TRPM3: variants seen among roughly 807,000 people sequenced by gnomAD.
TRPM3 encodes long transient receptor potential channel 3.
A neutral mutation model predicts 181.2 loss-of-function variants in TRPM3; 77 were observed. The ratio of observed to expected loss-of-function variants is 0.42; its 90% CI spans 0.35 to 0.51. TRPM3 has a LOEUF of 0.51. Ranked by LOEUF, TRPM3 falls within the 20% of genes least tolerant of loss-of-function variation. The pLI is 0.01. For missense variants in TRPM3, 1,759 were observed against 2,196.7 expected, an observed-to-expected ratio of 0.80 and a Z score of 3.98; for synonymous variants, 745 against 796.4, an observed-to-expected ratio of 0.94 and a Z score of 1.09.
intron 1 of TRPM3, among the ~76,000 whole-genome samples, chr9:71,110,489 T>G (rs554184648): frequency 6.6e-6 from 1 of 152,214 alleles, no homozygotes; most frequent in Admixed American, 6.5e-5. Flanking sequence ...CGATGTAATA[T>G]GAATTGAGTA....
At chr9:71,132,065 T>TA (rs1587548954) in intron 1 of TRPM3, among the ~76,000 whole-genome samples, 1 of 152,256 alleles carries the variant, frequency 6.6e-6, no homozygotes, top group East Asian at 1.9e-4. Context: ...TCAGCCATTT[T>TA]AATCAGGTTC....
At chr9:70,798,889 A>G (rs1447269320) in intron 6 of TRPM3, among the ~76,000 whole-genome samples, 1 of 152,122 alleles carries the variant, frequency 6.6e-6, no homozygotes, top group Non-Finnish European at 1.5e-5. Flanking sequence ...CTAGAGAAGA[A>G]CATGCTGAGT....
rs376207908 is a variant in TRPM3, at chr9:70,583,393, C to T, written c.3223+7638G>A. On this transcript the variant is annotated intron_variant, in intron 22 of 25. Transcript: ENST00000677713. ...GGCCAGGTTACCTATGACTTATAGT[C>T]ATGATAGAGTAGAAAAAGCATGGTC... Among the ~76,000 whole-genome samples, 99 of 152,218 alleles carry T rather than the reference C, an allele frequency of 6.5e-4. 2 individuals are homozygous for T. The South Asian group carries it at 0.019, about 29-fold the overall frequency.
chr9:71,011,028 G>A (rs1034473403), intron 1 of TRPM3, among the ~76,000 whole-genome samples: 2 of 151,756 alleles, frequency 1.3e-5, no homozygotes, highest in Non-Finnish European at 2.9e-5. Context: ...TGAATCTGTA[G>A]GACATTATTT....
intron 1 of TRPM3, among the ~76,000 whole-genome samples, chr9:71,169,832 T>A (rs1007585051): frequency 1.3e-5 from 2 of 150,790 alleles, no homozygotes; most frequent in Non-Finnish European, 3.0e-5. Context: ...TTTTTTATAT[T>A]TTTATATTTT....
At chr9:70,761,247 T>C (rs2135284833) in intron 8 of TRPM3, 1 of 593,844 alleles carries the variant, frequency 1.7e-6, no homozygotes, top group East Asian at 2.8e-5. Flanking sequence ...CAGTGGTTCA[T>C]GACTTCCAAG....
chr9:71,275,178 C>G (rs1048590257), intron 1 of TRPM3, among the ~76,000 whole-genome samples: 32 of 152,152 alleles, frequency 2.1e-4, no homozygotes, highest in African/African-American at 7.2e-4. Flanking sequence ...CGAATTATGA[C>G]TTATTAACAC....
chr9:71,246,929 G>A (rs893317429), intron 1 of TRPM3, among the ~76,000 whole-genome samples: 7 of 152,128 alleles, frequency 4.6e-5, no homozygotes, highest in African/African-American at 1.7e-4. Flanking sequence ...ATTTAATAAA[G>A]CTAAAAACTA....
At chr9:71,446,922 C>A (rs928076196), upstream of TRPM3, 30 of 1,326,320 alleles carry the variant, frequency 2.3e-5, no homozygotes, top group South Asian at 4.9e-5. Context: ...CCAGCCTGCG[C>A]GCGGCTCTCG....
intron 1 of TRPM3, among the ~76,000 whole-genome samples, chr9:71,278,175 A>G (rs1418804253): frequency 6.6e-6 from 1 of 152,236 alleles, no homozygotes; most frequent in East Asian, 1.9e-4. Flanking sequence ...ATAACTGCGG[A>G]TCTACTATGA....
chr9:71,415,272 C>T (rs1447420670), intron 1 of TRPM3, among the ~76,000 whole-genome samples: 1 of 152,036 alleles, frequency 6.6e-6, no homozygotes, highest in Non-Finnish European at 1.5e-5. Flanking sequence ...TGAGACTAAT[C>T]TCTGACTTTT....
intron 1 of TRPM3, among the ~76,000 whole-genome samples, chr9:71,038,546 C>T (rs559315888): frequency 2.6e-5 from 4 of 152,172 alleles, no homozygotes; most frequent in African/African-American, 7.2e-5. Context: ...ATTTCTCTTC[C>T]TCTTCTTCCC....
At chr9:71,445,265 T>C (rs2116200) in intron 1 of TRPM3, among the ~76,000 whole-genome samples, 100,962 of 152,132 alleles carry the variant, frequency 0.66, 36,158 homozygotes, top group Non-Finnish European at 0.81. Context: ...AAAAAGAGGA[T>C]TGAATTTTTA....
At chr9:71,370,061 A>T (rs1252815694) in intron 1 of TRPM3, among the ~76,000 whole-genome samples, 2 of 152,218 alleles carry the variant, frequency 1.3e-5, no homozygotes, top group African/African-American at 4.8e-5. Context: ...CCCACATAAC[A>T]TGATGAAGTT....
intron 22 of TRPM3, among the ~76,000 whole-genome samples, chr9:70,569,014 A>G (rs2051423880): frequency 6.6e-6 from 1 of 152,258 alleles, no homozygotes. Flanking sequence ...ATATAATGAA[A>G]GAAACTAAGA....
intron 1 of TRPM3, among the ~76,000 whole-genome samples, chr9:71,335,648 G>A (rs2090500914): frequency 6.6e-6 from 1 of 152,048 alleles, no homozygotes; most frequent in African/African-American, 2.4e-5. Context: ...TCAATAAACT[G>A]AGTTATTTAA....
chr9:71,239,370 G>A (rs1484819987), intron 1 of TRPM3, among the ~76,000 whole-genome samples: 1 of 151,968 alleles, frequency 6.6e-6, no homozygotes, highest in East Asian at 1.9e-4. Context: ...TATTCTATAG[G>A]AAAATATACA....
intron 1 of TRPM3, among the ~76,000 whole-genome samples, chr9:71,388,522 G>A (rs1338013252): frequency 6.6e-6 from 1 of 152,032 alleles, no homozygotes; most frequent in Non-Finnish European, 1.5e-5. Context: ...ATGACAGTAT[G>A]AAAAACTTCC....
rs75131373 is a variant in TRPM3 at position 71,246,784 on chromosome 9, G to T, written c.183+199869C>A. On this transcript the variant is annotated intron_variant, in intron 1 of 24. Transcript: ENST00000357533. ...TAATATCAGGAAGATTTAGTTATAC[G>T]ACACTTTAATTAGTGCTTTCACTGT... Among the ~76,000 whole-genome samples the T allele has an allele frequency of 1.4e-3, 216 of 152,226 alleles. 1 individual carries two copies. Among genetic ancestry groups the T allele is most frequent in the African/African-American group, 5.0e-3 (208 of 41,536 alleles).
Sources: gnomAD v4.1 joint callset for allele counts (sites outside exome capture counted in the v4.1 genomes callset) on GRCh38, gnomAD v4.1.1 for gene constraint, MANE v1.5 for transcripts, NCBI Gene and HGNC (gene_info 2026-07-23, HGNC 2026-07-21) for gene names.